Variants in EPYC observed in about 807,000 individuals in gnomAD.
EPYC encodes epiphycan, also known as dermatan sulfate proteoglycan 3.
EPYC carries 28 observed loss-of-function variants against 30.1 expected under a neutral mutation model. The observed-to-expected ratio is 0.93, with a 90% confidence interval of 0.69 to 1.28. The LOEUF (loss-of-function observed/expected upper bound fraction) is 1.28, where lower values mean the gene tolerates loss of function less well. Ranked by LOEUF, EPYC falls within the 50% of genes most tolerant of loss-of-function variation. EPYC has a pLI of 0.00. For synonymous variants in EPYC, 144 were observed against 141.4 expected (o/e 1.02, Z -0.13); for missense variants, 382 against 383.5 (o/e 1.00, Z 0.03).
chr12:90,996,999 T>C (rs1041468284), intron 2 of EPYC, among the ~76,000 whole-genome samples: 3 of 151,978 alleles, frequency 2.0e-5, no homozygotes, highest in Non-Finnish European at 2.9e-5. Context: ...GGGCTCCAGG[T>C]TGCTGAGCAG....
At chr12:90,996,666 A>T (rs1445358198) in intron 2 of EPYC, among the ~76,000 whole-genome samples, 5 of 151,944 alleles carry the variant, frequency 3.3e-5, no homozygotes, top group Admixed American at 2.0e-4. Flanking sequence ...TTCTCTTTAC[A>T]AGGATGATTT....
chr12:90,970,030 T>C lies in EPYC; in HGVS notation c.798+14A>G. On this transcript the variant is annotated intron_variant, in intron 6 of 6. Transcript: ENST00000261172. ...TCTGAAGCCCTTGGGCGCACCTTAC[T>C]GGTAGACTCCTACCTGGAGGTGAAG... 6.2e-7 allele frequency: 1 copy of C among 1,600,648 alleles called. No individual in the cohort carries two copies. Among genetic ancestry groups the C allele is most frequent in the Non-Finnish European group, 8.6e-7 (1 of 1,167,814 alleles).
At position 90,974,401 on chromosome 12, in the gene EPYC, A is replaced by G. The variant is rs1045353145; in HGVS notation, c.341-1421T>C. On this transcript the variant is annotated intron_variant, in intron 3 of 6. Coordinates refer to ENST00000261172, the MANE Select transcript of EPYC (RefSeq NM_004950.5). ...AGGGAGAAGTTGGAAGTAAGGGAAA[A>G]GTTGCCACAAATGTTGAAAATGCTG... is the stretch of plus-strand genomic sequence containing the variant. 3.3e-5 allele frequency among the ~76,000 whole-genome samples: 5 copies of G among 152,272 alleles called. No homozygotes were observed. In the East Asian group the frequency reaches 5.8e-4, roughly 18 times the overall value.
intron 2 of EPYC, among the ~76,000 whole-genome samples, chr12:91,000,477 A>G (rs1877796857): frequency 6.6e-6 from 1 of 152,086 alleles, no homozygotes; most frequent in African/African-American, 2.4e-5. Flanking sequence ...GAATGCCTAC[A>G]GCTTTATGGG....
chr12:90,987,806 T>C (rs1877488241), intron 2 of EPYC, among the ~76,000 whole-genome samples: 2 of 152,162 alleles, frequency 1.3e-5, no homozygotes, highest in South Asian at 4.1e-4. Flanking sequence ...GCTTCCTAGA[T>C]GTGTACAATG....
At chr12:91,002,083 G>A (rs1407463900) in intron 2 of EPYC, among the ~76,000 whole-genome samples, 5 of 150,718 alleles carry the variant, frequency 3.3e-5, no homozygotes, top group East Asian at 2.0e-4. Context: ...CTAGCTACTC[G>A]GGAGGCTGAG....
intron 2 of EPYC, among the ~76,000 whole-genome samples, chr12:90,990,478 C>T (rs992075219): frequency 3.3e-5 from 5 of 152,060 alleles, no homozygotes; most frequent in Non-Finnish European, 7.4e-5. Context: ...TTATTACTGT[C>T]CAGTATCACT....
chr12:90,970,605 T>C (rs1215852130), intron 5 of EPYC, among the ~76,000 whole-genome samples: 1 of 152,182 alleles, frequency 6.6e-6, no homozygotes, highest in African/African-American at 2.4e-5. Context: ...ACAAAAAACA[T>C]TTAGACAATA....
At chr12:90,973,119 A>G in intron 3 of EPYC, 139 bp from the exon 4 acceptor site, 1 of 468,566 alleles carries the variant, frequency 2.1e-6, no homozygotes, top group Non-Finnish European at 3.6e-6. Context: ...CTTTCTGTAA[A>G]TAGAATATTC....
intron 1 of EPYC, 61 bp from the exon 2 acceptor site, chr12:91,002,639 T>A: frequency 7.8e-7 from 1 of 1,287,850 alleles, no homozygotes; most frequent in Non-Finnish European, 1.1e-6. Context: ...TAGTTTGCAC[T>A]AAATAGAAAT....
intron 2 of EPYC, among the ~76,000 whole-genome samples, chr12:90,988,825 T>C (rs1398653223): frequency 1.3e-5 from 2 of 152,108 alleles, no homozygotes; most frequent in African/African-American, 4.8e-5. Context: ...CCAAGTTTCT[T>C]TCTTGCTAGG....
At chr12:90,983,279 G>A (rs1325851652) in intron 2 of EPYC, among the ~76,000 whole-genome samples, 1 of 152,136 alleles carries the variant, frequency 6.6e-6, no homozygotes, top group Non-Finnish European at 1.5e-5. Flanking sequence ...GTTATCTACA[G>A]TTGTAACTAC....
intron 1 of EPYC, 137 bp from the exon 2 acceptor site, chr12:91,002,715 CAT>C (rs1877861454): frequency 1.6e-6 from 1 of 640,524 alleles, no homozygotes; most frequent in South Asian, 2.2e-5. Context: ...AATTTATAAA[CAT>C]AACACACAAA....
intron 2 of EPYC, among the ~76,000 whole-genome samples, chr12:91,000,036 T>C (rs900943000): frequency 2.6e-5 from 4 of 152,100 alleles, no homozygotes; most frequent in African/African-American, 7.2e-5. Context: ...TTAGAGTTAT[T>C]ATAGCATATG....
At chr12:90,973,574 C>T (rs1695441300) in intron 3 of EPYC, among the ~76,000 whole-genome samples, 2 of 152,062 alleles carry the variant, frequency 1.3e-5, no homozygotes, top group South Asian at 4.2e-4. Flanking sequence ...GGGATTTGAC[C>T]TAGTCTGGAA....
intron 2 of EPYC, among the ~76,000 whole-genome samples, chr12:90,983,636 A>G (rs1284073973): frequency 1.3e-5 from 2 of 152,088 alleles, no homozygotes; most frequent in African/African-American, 4.8e-5. Flanking sequence ...GAACTCTCAA[A>G]GTCACATCGC....
chr12:90,976,559 A>G (rs1877185144), intron 3 of EPYC, among the ~76,000 whole-genome samples: 1 of 152,118 alleles, frequency 6.6e-6, no homozygotes, highest in Non-Finnish European at 1.5e-5. Flanking sequence ...TGTCTGTCCA[A>G]GAAACTCTCA....
intron 6 of EPYC, 67 bp from the exon 7 acceptor site, chr12:90,964,393 C>A: frequency 9.1e-7 from 1 of 1,098,656 alleles, no homozygotes; most frequent in Non-Finnish European, 1.3e-6. Context: ...ATAGCGCAGT[C>A]CACTGTGCTT....
At chr12:90,985,007 A>C (rs1877418135) in intron 2 of EPYC, among the ~76,000 whole-genome samples, 1 of 152,184 alleles carries the variant, frequency 6.6e-6, no homozygotes, top group Non-Finnish European at 1.5e-5. Context: ...GAGAGAAGTC[A>C]TGCTATTGTT....
Sources: allele counts gnomAD v4.1 joint callset (sites outside exome capture counted in the v4.1 genomes callset), GRCh38; gene constraint gnomAD v4.1.1; transcripts MANE v1.5; gene names NCBI Gene and HGNC (gene_info 2026-07-23, HGNC 2026-07-21).